REV1: variants seen among roughly 807,000 people sequenced by gnomAD.
REV1 encodes REV1 DNA directed polymerase.
Under a neutral mutation model 137.4 loss-of-function variants are expected in REV1, and 42 were observed. The ratio of observed to expected loss-of-function variants is 0.31; its 90% CI spans 0.24 to 0.40. The LOEUF is 0.40. REV1 is among the 10% of genes least tolerant of loss of function. The pLI, the probability that REV1 is intolerant of heterozygous loss-of-function variation, is 1.00. For synonymous variants in REV1, 524 were observed against 519.2 expected (o/e 1.01, Z -0.12); for missense variants, 1,282 against 1,490.1 (o/e 0.86, Z 2.30).
At chr2:99,429,469 TA>T (rs1211438344) in intron 9 of REV1, among the ~76,000 whole-genome samples, 1 of 152,178 alleles carries the variant, frequency 6.6e-6, no homozygotes, top group African/African-American at 2.4e-5. Context: ...AAGTATGGAT[TA>T]CAAGATTTTT....
chr2:99,427,096 G>A (rs1422734910), intron 9 of REV1, among the ~76,000 whole-genome samples: 2 of 152,016 alleles, frequency 1.3e-5, no homozygotes, highest in Non-Finnish European at 1.5e-5. Flanking sequence ...GCAGGAGAAC[G>A]GCTTCAACCT....
chr2:99,442,451 G>A lies in REV1; in HGVS notation c.369C>T (p.Leu123=), dbSNP rs775908583. The change falls in exon 5 of 23, where the codon CTC becomes CTT. Residue 123 remains leucine (L), a synonymous_variant. Coordinates refer to ENST00000258428, the MANE Select transcript of REV1 (RefSeq NM_016316.4). ...WIVESIKAGR[L]LSYIPYQLYT... ...ACAGCTGATATGGAATGTAGGAGAGGAGTCGTCCAGCTTTGATGCTGAAAC... is the reference window on the plus strand; with the variant it reads ...ACAGCTGATATGGAATGTAGGAGAGAAGTCGTCCAGCTTTGATGCTGAAAC... The A allele has an allele frequency of 5.0e-6, 8 of 1,613,366 alleles. No individual in the cohort carries two copies. The highest frequency in any genetic ancestry group is 6.8e-6 in the Non-Finnish European group (8 of 1,179,832).
At chr2:99,484,571 T>C (rs545588523) in intron 1 of REV1, among the ~76,000 whole-genome samples, 9 of 139,162 alleles carry the variant, frequency 6.5e-5, no homozygotes, top group South Asian at 2.4e-4. Flanking sequence ...ACATGATTCT[T>C]TGACTTATTT....
intron 11 of REV1, among the ~76,000 whole-genome samples, chr2:99,419,551 G>C (rs1376908775): frequency 6.6e-6 from 1 of 152,140 alleles, no homozygotes; most frequent in Non-Finnish European, 1.5e-5. Flanking sequence ...AGGAATTGAA[G>C]GCCATGATCA....
intron 8 of REV1, among the ~76,000 whole-genome samples, chr2:99,431,065 G>A (rs1339095040): frequency 1.3e-5 from 2 of 152,062 alleles, no homozygotes; most frequent in Non-Finnish European, 2.9e-5. Flanking sequence ...AGTCAGCCAC[G>A]TTAATGCACC....
intron 5 of REV1, among the ~76,000 whole-genome samples, chr2:99,440,423 C>G (rs1681336100): frequency 6.6e-6 from 1 of 152,198 alleles, no homozygotes; most frequent in African/African-American, 2.4e-5. Context: ...CTAATACCAA[C>G]TTGGTTTATT....
At position 99,462,528 on chromosome 2, in the gene REV1, C is replaced by T; in HGVS notation, c.149G>A (p.Ser50Asn). The part of the protein sequence containing the change: ...QKDGTSSTIF[S>N]GVAIYVNGYT... Reference sequence around the variant, plus strand: ...TCCATTAACATAGATGGCAACTCCACTAAAAATTGTAGATGAAGTCCCATC... The same window carrying T: ...TCCATTAACATAGATGGCAACTCCATTAAAAATTGTAGATGAAGTCCCATC... Residue 50 changes from serine to asparagine, a missense_variant, in exon 3 of 23, where the codon AGT becomes AAT. Coordinates refer to ENST00000258428, the MANE Select transcript of REV1 (RefSeq NM_016316.4). 1.2e-6 allele frequency: 2 copies of T among 1,613,536 alleles called. No individual in the cohort carries two copies. Among genetic ancestry groups the T allele is most frequent in the Non-Finnish European group, 8.5e-7 (1 of 1,179,808 alleles).
intron 9 of REV1, among the ~76,000 whole-genome samples, chr2:99,428,767 G>A (rs1005756284): frequency 7.2e-5 from 11 of 152,158 alleles, no homozygotes; most frequent in African/African-American, 1.9e-4. Context: ...AGGCTGAGGC[G>A]GATGGATCAC....
rs1334059060 is a variant in REV1, at chr2:99,438,707, A to G, written c.1107T>C (p.Thr369=). Residue 369 remains threonine (T), a synonymous_variant, in exon 6 of 23, where the codon ACT becomes ACC. Coordinates refer to ENST00000258428, the MANE Select transcript of REV1 (RefSeq NM_016316.4). ...GTCTTTGTAGGGTATTGACAAACTCAGTCAATTCACACTTCCACATTGATA... is the reference window on the plus strand; with the variant it reads ...GTCTTTGTAGGGTATTGACAAACTCGGTCAATTCACACTTCCACATTGATA... The part of the protein sequence containing the change: ...HHISMWKCEL[T]EFVNTLQRQS... 2 of 1,613,746 alleles carry G rather than the reference A, an allele frequency of 1.2e-6. No individual in the cohort carries two copies. The highest frequency in any genetic ancestry group is 1.1e-5 in the South Asian group (1 of 91,080).
chr2:99,482,498 G>T (rs2104275069), intron 1 of REV1, among the ~76,000 whole-genome samples: 1 of 152,342 alleles, frequency 6.6e-6, no homozygotes, highest in East Asian at 1.9e-4. Context: ...AATATAAGAA[G>T]TGAGGAGAGT....
intron 1 of REV1, among the ~76,000 whole-genome samples, chr2:99,485,217 T>C (rs1441071699): frequency 2.0e-5 from 3 of 152,214 alleles, no homozygotes; most frequent in African/African-American, 4.8e-5. Context: ...ACAGGCAGAA[T>C]CTTAGTTTAT....
At chr2:99,449,815 T>C (rs1026687649) in intron 3 of REV1, among the ~76,000 whole-genome samples, 2 of 152,244 alleles carry the variant, frequency 1.3e-5, no homozygotes, top group Non-Finnish European at 2.9e-5. Flanking sequence ...TTACATTTTT[T>C]ACTATACTTA....
intron 12 of REV1, among the ~76,000 whole-genome samples, chr2:99,417,295 T>A (rs1031331961): frequency 6.6e-6 from 1 of 152,056 alleles, no homozygotes; most frequent in African/African-American, 2.4e-5. Context: ...ATGTGCCACC[T>A]ACCCCCAGCT....
At chr2:99,458,831 A>G (rs1683822853) in intron 3 of REV1, among the ~76,000 whole-genome samples, 1 of 152,224 alleles carries the variant, frequency 6.6e-6, no homozygotes, top group South Asian at 2.1e-4. Flanking sequence ...ATAAAAATGG[A>G]GACCAGATTA....
chr2:99,402,614 C>T (rs1265497681), intron 21 of REV1, 30 bp downstream of exon 21: 1 of 1,602,848 alleles, frequency 6.2e-7, no homozygotes, highest in Non-Finnish European at 8.5e-7. Flanking sequence ...ACATCTCAGC[C>T]TTGGGCCATC....
intron 3 of REV1, among the ~76,000 whole-genome samples, chr2:99,450,257 A>T (rs936468392): frequency 1.3e-5 from 2 of 152,156 alleles, no homozygotes; most frequent in African/African-American, 4.8e-5. Flanking sequence ...AAATATCTTA[A>T]AGACACAATG....
chr2:99,412,663 T>C (rs1677340103), intron 13 of REV1, 68 bp downstream of exon 13: 1 of 1,150,644 alleles, frequency 8.7e-7, no homozygotes, highest in Non-Finnish European at 1.3e-6. Context: ...AATGGTTTAG[T>C]TGTAGAGGTA....
chr2:99,480,505 GGA>G (rs1435451019), intron 1 of REV1, among the ~76,000 whole-genome samples: 1 of 152,068 alleles, frequency 6.6e-6, no homozygotes. Flanking sequence ...AAATTGGGTG[GGA>G]GAGTTTCTGG....
intron 1 of REV1, among the ~76,000 whole-genome samples, chr2:99,489,538 C>G (rs906568824): frequency 1.4e-5 from 2 of 147,808 alleles, no homozygotes; most frequent in East Asian, 2.0e-4. Flanking sequence ...ATGGGGCTGG[C>G]GGCGGCGCGG....
Sources: allele counts gnomAD v4.1 joint callset (sites outside exome capture counted in the v4.1 genomes callset), GRCh38; gene constraint gnomAD v4.1.1; transcripts MANE v1.5; gene names NCBI Gene and HGNC (gene_info 2026-07-23, HGNC 2026-07-21).